Variants in PXDN observed in about 807,000 individuals in gnomAD.
PXDN encodes the protein peroxidasin, also known as peroxidasin homolog.
Under a neutral mutation model 140.3 loss-of-function variants are expected in PXDN, and 77 were observed. The observed-to-expected ratio is 0.55, with a 90% CI of 0.46 to 0.66. PXDN has a LOEUF of 0.66. Ranked by LOEUF, PXDN falls within the 30% of genes least tolerant of loss-of-function variation. PXDN has a pLI of 0.00. For missense variants in PXDN, 1,838 were observed against 2,039.5 expected, an observed-to-expected ratio of 0.90 and a Z score of 1.90; for synonymous variants, 911 against 857.4, an observed-to-expected ratio of 1.06 and a Z score of -1.09.
chr2:1,711,583 A>ACT (rs201171596), intron 1 of PXDN, among the ~76,000 whole-genome samples: 1,286 of 65,388 alleles, frequency 0.02, 8 homozygotes, highest in Non-Finnish European at 0.028. Context: ...ACCAGCACCC[A>ACT]CTCCACCAGC....
intron 10 of PXDN, 59 bp from the exon 11 acceptor site, chr2:1,665,133 C>G: frequency 3.1e-6 from 4 of 1,300,568 alleles, no homozygotes; most frequent in Non-Finnish European, 4.3e-6. Context: ...GGTAAAAACG[C>G]GACCAAGAAA....
rs1448981602 is a variant in PXDN at position 1,685,743 on chromosome 2, G to A, written c.417-1592C>T. 7.6e-6 allele frequency among the ~76,000 whole-genome samples: 1 copy of A among 131,836 alleles called. No homozygotes were observed. Among genetic ancestry groups the A allele is most frequent in the Non-Finnish European group, 1.6e-5 (1 of 61,198 alleles). 86.5% of individuals were successfully genotyped at this position (131,836 alleles called of 152,430 possible). A position where few individuals can be genotyped will look rare whatever the true frequency, so the allele number is the denominator to read the frequency against. ...GGGACTTGGCACCTGCTGCACAGGT[G>A]CTACGGGAAATGACGGCCCAGGGTG... On this transcript the variant is annotated intron_variant, in intron 4 of 22. Transcript: ENST00000252804. The surrounding 1 kb of genome is among the most constrained non-coding windows in gnomAD (Gnocchi z 5.1).
At chr2:1,740,990 T>G (rs1685530428) in intron 1 of PXDN, among the ~76,000 whole-genome samples, 1 of 152,128 alleles carries the variant, frequency 6.6e-6, no homozygotes, top group Non-Finnish European at 1.5e-5. Context: ...AACTGCAGTT[T>G]GGGACAACTC....
intron 21 of PXDN, chr2:1,636,012 C>T (rs1682549694): frequency 3.8e-6 from 1 of 260,648 alleles, no homozygotes; most frequent in African/African-American, 2.3e-5. Flanking sequence ...TTCCTCAAAC[C>T]CTCTCTTGCA....
intron 12 of PXDN, among the ~76,000 whole-genome samples, chr2:1,662,558 G>T (rs1683330520): frequency 6.6e-6 from 1 of 152,206 alleles, no homozygotes; most frequent in African/African-American, 2.4e-5. Flanking sequence ...GCCCACAGAG[G>T]ATAACAAGCT....
In PXDN at chr2:1,702,079, T is replaced by C. The variant is rs554593738; in HGVS notation, c.201-8945A>G. On this transcript the variant is annotated intron_variant, in intron 1 of 22. Transcript: ENST00000252804. ...ATAACACGCCCACTAATACCATTAA[T>C]GAGATCAAATTACGTTAGTCAGGAC... 7.9e-5 allele frequency among the ~76,000 whole-genome samples: 12 copies of C among 152,274 alleles called. No individual in the cohort carries two copies. In the East Asian group the frequency reaches 2.3e-3, roughly 29 times the overall value.
At chr2:1,658,154 C>A (rs73178798) in intron 14 of PXDN, among the ~76,000 whole-genome samples, 3,508 of 151,160 alleles carry the variant, frequency 0.023, 128 homozygotes, top group African/African-American at 0.081. Context: ...CTTGCCCGCC[C>A]GGCCTCTGAG....
At chr2:1,732,927 G>A (rs990837930) in intron 1 of PXDN, among the ~76,000 whole-genome samples, 2 of 152,180 alleles carry the variant, frequency 1.3e-5, no homozygotes, top group African/African-American at 4.8e-5. Context: ...GCATTTTCTA[G>A]AGGTGAAAAT....
chr2:1,690,003 T>C (rs981345196), intron 3 of PXDN, among the ~76,000 whole-genome samples: 17 of 152,162 alleles, frequency 1.1e-4, no homozygotes, highest in Non-Finnish European at 2.5e-4. Context: ...ACTGACTCAA[T>C]ATAGAAGGCT....
At position 1,645,558 on chromosome 2, in the gene PXDN, T is replaced by C. The variant is rs544128504; in HGVS notation, c.3609-806A>G. ...AGATTTTGTTGCTTACTGAACAGGA[T>C]GCACACAGGGCTGTGTCCTCACTGG... On this transcript the variant is annotated intron_variant, in intron 17 of 22. Transcript: ENST00000252804. Among the ~76,000 whole-genome samples, 9 of 152,348 alleles carry C rather than the reference T, an allele frequency of 5.9e-5. No homozygotes were observed. The South Asian group carries it at 8.3e-4, about 14-fold the overall frequency.
At chr2:1,743,391 G>C (rs577596131) in intron 1 of PXDN, among the ~76,000 whole-genome samples, 204 of 152,308 alleles carry the variant, frequency 1.3e-3, no homozygotes, top group African/African-American at 4.7e-3. Flanking sequence ...AGACTACCGC[G>C]CGGCCCCTCT....
rs750394491 is a variant in PXDN, at chr2:1,643,453, G to C, written c.3867C>G (p.Phe1289Leu). The change falls in exon 19 of 23, where the codon TTC becomes TTG. Residue 1289 changes from phenylalanine to leucine, a missense_variant. Phe to Leu is a conservative substitution (Grantham distance 22). Around this residue, in one of 5 missense-constraint regions of PXDN, gnomAD observed 850 missense variants for 894.1 expected, o/e 0.95. Transcript: ENST00000252804. The part of the protein sequence containing the change: ...DNITRVQSDV[F>L]RVAEFPHGYG... ...AGCCGTGAGGGAACTCCGCCACCCT[G>C]AACACGTCGCTCTGCACCCGGGTGA... 3 of 1,613,798 alleles carry C rather than the reference G, an allele frequency of 1.9e-6. No homozygotes were observed. Among genetic ancestry groups the C allele is most frequent in the Non-Finnish European group, 2.5e-6 (3 of 1,179,884 alleles).
intron 1 of PXDN, among the ~76,000 whole-genome samples, chr2:1,735,243 T>A (rs1685403554): frequency 6.6e-6 from 1 of 152,356 alleles, no homozygotes; most frequent in South Asian, 2.1e-4. Context: ...TCTAAACTCC[T>A]GTACATGTTG....
chr2:1,634,715 G>A (rs1036781099), intron 22 of PXDN, among the ~76,000 whole-genome samples: 2 of 152,156 alleles, frequency 1.3e-5, no homozygotes, highest in Admixed American at 6.5e-5. Context: ...AGAGAGGGGG[G>A]AAGGGACAGG....
chr2:1,679,540 G>C (rs111206458), intron 7 of PXDN, among the ~76,000 whole-genome samples: 3,523 of 149,858 alleles, frequency 0.024, 129 homozygotes, highest in African/African-American at 0.083. Flanking sequence ...CTGCATGTGT[G>C]TGTGTCTATA....
At chr2:1,640,940 TG>T (rs1185100758) in intron 19 of PXDN, among the ~76,000 whole-genome samples, 1 of 152,140 alleles carries the variant, frequency 6.6e-6, no homozygotes, top group Non-Finnish European at 1.5e-5. Context: ...CCCTCCAGGA[TG>T]GCCGTCTCTT....
At chr2:1,731,152 G>GCGCA (rs1553371240) in intron 1 of PXDN, among the ~76,000 whole-genome samples, 3,602 of 136,026 alleles carry the variant, frequency 0.026, 107 homozygotes, top group South Asian at 0.087. Flanking sequence ...GAGCGCGCGC[G>GCGCA]CACACACACA....
At chr2:1,719,641 G>A (rs1435027477) in intron 1 of PXDN, among the ~76,000 whole-genome samples, 1 of 152,186 alleles carries the variant, frequency 6.6e-6, no homozygotes, top group Non-Finnish European at 1.5e-5. Flanking sequence ...AAGTTCTCAG[G>A]AGACAGCACT....
Position 1,667,158 on chromosome 2 carries a change from G to C in PXDN, c.1019-672C>G, listed in dbSNP as rs112327155. Among the ~76,000 whole-genome samples the C allele has an allele frequency of 5.6e-3, 853 of 152,094 alleles. 4 individuals are homozygous for C. Among genetic ancestry groups the C allele is most frequent in the African/African-American group, 0.019 (788 of 41,512 alleles). On this transcript the variant is annotated intron_variant, in intron 9 of 22. Transcript: ENST00000252804. ...CCAGCAGAAGACAAGAAATAACTAA[G>C]ATTAGAGCATAACTGAAGGAGACAG...
Sources: allele counts gnomAD v4.1 joint callset (sites outside exome capture counted in the v4.1 genomes callset), GRCh38; gene constraint gnomAD v4.1.1; regional missense constraint gnomAD v4.1.1; non-coding constraint Gnocchi (gnomAD v3.1); transcripts MANE v1.5; gene names NCBI Gene and HGNC (gene_info 2026-07-23, HGNC 2026-07-21).